Variants in CEP350 observed in about 807,000 individuals in gnomAD.
The protein encoded by CEP350 is centrosome-associated protein 350.
In CEP350, 126 loss-of-function variants were observed where a neutral mutation model predicts 331.8. The observed-to-expected ratio is 0.38, with a 90% confidence interval of 0.33 to 0.44. CEP350 has a LOEUF of 0.44. CEP350 is among the 20% of genes least tolerant of loss of function. The pLI, the probability that CEP350 is intolerant of heterozygous loss-of-function variation, is 1.00. For synonymous variants in CEP350, 1,200 were observed against 1,259.5 expected, an observed-to-expected ratio of 0.95 and a Z score of 1.00; for missense variants, 3,406 against 3,634.6, an observed-to-expected ratio of 0.94 and a Z score of 1.62.
intron 30 of CEP350, among the ~76,000 whole-genome samples, chr1:180,083,254 T>C (rs1159577473): frequency 3.3e-5 from 5 of 152,210 alleles, no homozygotes; most frequent in Non-Finnish European, 7.4e-5. Context: ...GGAACAGTAA[T>C]TTCTATCCTA....
At chr1:179,985,979 C>G (rs1458671410) in intron 1 of CEP350, among the ~76,000 whole-genome samples, 190 bp from the exon 2 acceptor site, 1 of 152,190 alleles carries the variant, frequency 6.6e-6, no homozygotes, top group African/African-American at 2.4e-5. Flanking sequence ...TTCCCACGAA[C>G]AGCACACACG....
chr1:180,108,909 A>G lies in CEP350; in HGVS notation c.9190-2088A>G, dbSNP rs572781344. ...TTAGGGAACAGAGGAATAAATGTTT[A>G]CATATCCTCCAAACAACCTTTCTAA... On this transcript the variant is annotated intron_variant, in intron 37 of 37. Transcript: ENST00000367607. Among the ~76,000 whole-genome samples, 18 of 152,312 alleles carry G rather than the reference A, an allele frequency of 1.2e-4. No individual in the cohort carries two copies. In the South Asian group the frequency reaches 3.7e-3, roughly 32 times the overall value.
intron 1 of CEP350, among the ~76,000 whole-genome samples, chr1:179,967,897 G>A (rs551227966): frequency 6.6e-6 from 1 of 152,098 alleles, no homozygotes; most frequent in Non-Finnish European, 1.5e-5. Context: ...CATGTTATAT[G>A]AAATACCTGG....
At chr1:180,027,213 A>T (rs1655737712) in intron 14 of CEP350, among the ~76,000 whole-genome samples, 1 of 152,198 alleles carries the variant, frequency 6.6e-6, no homozygotes, top group South Asian at 2.1e-4. Context: ...GCACACACAA[A>T]TAGGCAATTT....
chr1:179,990,145 C>T (rs957186802), intron 3 of CEP350, among the ~76,000 whole-genome samples: 2 of 151,456 alleles, frequency 1.3e-5, no homozygotes, highest in Non-Finnish European at 1.5e-5. Context: ...GAGATCACGC[C>T]ACTGCACTCC....
intron 21 of CEP350, 85 bp downstream of exon 21, chr1:180,044,258 C>G: frequency 7.6e-7 from 1 of 1,324,138 alleles, no homozygotes; most frequent in Non-Finnish European, 1.0e-6. Context: ...ATTTCTTAAT[C>G]TTGTTTATTT....
chr1:180,014,195 A>G lies in CEP350; in HGVS notation c.1742A>G (p.Asp581Gly). 6.2e-7 allele frequency: 1 copy of G among 1,610,058 alleles called. No individual in the cohort carries two copies. Among genetic ancestry groups the G allele is most frequent in the Non-Finnish European group, 8.5e-7 (1 of 1,178,194 alleles). Residue 581 changes from aspartate to glycine, a missense_variant, in exon 10 of 38, where the codon GAT (aspartate) becomes GGT (glycine). Asp to Gly is a moderately conservative substitution (Grantham distance 94). Coordinates refer to ENST00000367607, the MANE Select transcript of CEP350 (RefSeq NM_014810.5). ...RKPDKITANEDPPVISKRRHY... is the reference protein window; with the variant it reads ...RKPDKITANEGPPVISKRRHY... ...CCTGACAAAATAACAGCTAATGAAGATCCCCCTGTTATTTCCAAAAGGCGC... is the reference window on the plus strand; with the variant it reads ...CCTGACAAAATAACAGCTAATGAAGGTCCCCCTGTTATTTCCAAAAGGCGC...
intron 1 of CEP350, among the ~76,000 whole-genome samples, chr1:179,959,266 G>T (rs1366182904): frequency 2.6e-5 from 4 of 152,194 alleles, no homozygotes; most frequent in Admixed American, 2.0e-4. Flanking sequence ...AGACCGGCCT[G>T]GCCAACAAGG....
intron 1 of CEP350, chr1:179,968,897 A>C: frequency 1.3e-6 from 1 of 755,156 alleles, no homozygotes; most frequent in Non-Finnish European, 2.4e-6. Context: ...AATACTGGCC[A>C]GAAGGCTGTG....
intron 34 of CEP350, 50 bp downstream of exon 34, chr1:180,094,666 A>G (rs1439266593): frequency 1.4e-5 from 21 of 1,552,342 alleles, no homozygotes; most frequent in Non-Finnish European, 1.7e-5. Context: ...GACACTTTTA[A>G]CAAGGCAACT....
intron 26 of CEP350, 97 bp from the exon 27 acceptor site, chr1:180,065,018 T>G (rs1016257450): frequency 7.9e-7 from 1 of 1,267,924 alleles, no homozygotes. Context: ...GTTATAAACA[T>G]TGTATTGTGG....
Position 180,093,467 on chromosome 1 carries a change from G to A in CEP350, c.7362G>A (p.Arg2454=). The change falls in exon 34 of 38, where the codon AGG becomes AGA. Residue 2454 remains arginine (R), a synonymous_variant. Transcript: ENST00000367607. The part of the protein sequence containing the change: ...LSIHSNVHSD[R]LLELKSPTEL... ...TCCATAGCAATGTTCATTCTGACAG[G>A]CTGTTGGAACTCAAGTCCCCTACTG... The A allele has an allele frequency of 6.2e-7, 1 of 1,608,422 alleles. No individual in the cohort carries two copies. The highest frequency in any genetic ancestry group is 1.3e-5 in the African/African-American group (1 of 74,972).
At chr1:180,004,873 G>GGCTGGCTTGCTTGCTT (rs1265597009) in intron 7 of CEP350, among the ~76,000 whole-genome samples, 8 of 100,614 alleles carry the variant, frequency 8.0e-5, no homozygotes, top group South Asian at 3.9e-4. Flanking sequence ...CAGGCTGGCT[G>GGCTGGCTTGCTTGCTT]GCTTGCTTGC....
At position 180,006,656 on chromosome 1, in the gene CEP350, G is replaced by A. The variant is rs182536598; in HGVS notation, c.1246+89G>A. ...AAGTTTTGGGATACATGTGCAGAAC[G>A]TGCAGGTTTGATACACAGGGTATAC... On this transcript the variant is annotated intron_variant, in intron 8 of 37. Coordinates refer to ENST00000367607, the MANE Select transcript of CEP350 (RefSeq NM_014810.5). The A allele has an allele frequency of 1.8e-4, 130 of 714,336 alleles. No individual in the cohort carries two copies. In the East Asian group the frequency reaches 3.5e-3, roughly 19 times the overall value. 44.2% of individuals were successfully genotyped at this position (714,336 alleles called of 1,614,324 possible).
intron 21 of CEP350, among the ~76,000 whole-genome samples, chr1:180,046,382 T>C (rs1398485769): frequency 6.6e-6 from 1 of 152,218 alleles, no homozygotes; most frequent in Non-Finnish European, 1.5e-5. Flanking sequence ...CATGATGTTT[T>C]CAAGTTTCAT....
intron 25 of CEP350, among the ~76,000 whole-genome samples, chr1:180,060,155 G>A (rs568111980): frequency 3.9e-5 from 6 of 152,298 alleles, no homozygotes; most frequent in African/African-American, 1.4e-4. Flanking sequence ...TGCTAACAAT[G>A]TATTTAGTGT....
chr1:180,020,673 T>TA lies in CEP350; in HGVS notation c.2899_2900insA (p.Ser967TyrfsTer18). On this transcript the variant is annotated frameshift_variant, in exon 12 of 38. Coordinates refer to ENST00000367607, the MANE Select transcript of CEP350 (RefSeq NM_014810.5). LOFTEE classifies it high-confidence loss of function. ...TTCTAGCTCTGATATGCAAGCCTGT[T>TA]CTCAAGACAAAGCCAAAATATCTCT... 1 of 1,613,994 alleles carries TA rather than the reference T, an allele frequency of 6.2e-7. No individual in the cohort carries two copies. The highest frequency in any genetic ancestry group is 8.5e-7 in the Non-Finnish European group (1 of 1,179,890).
In CEP350 at chr1:180,092,617, C is replaced by T; in HGVS notation, c.6512C>T (p.Ala2171Val). The part of the protein sequence containing the change: ...SLESIAEHVD[A>V]SLSGSERSVS... Reference sequence around the variant, plus strand: ...GGTGATTTGTTTTTTCTTTAAGATGCTTCACTGTCTGGTTCTGAGAGATCA... The same window carrying T: ...GGTGATTTGTTTTTTCTTTAAGATGTTTCACTGTCTGGTTCTGAGAGATCA... Residue 2171 changes from alanine (A) to valine (V), a missense_variant, in exon 34 of 38, where the codon GCT becomes GTT. Physicochemically the swap from Ala to Val is moderately conservative, Grantham distance 64. Around this residue, in one of 5 missense-constraint regions of CEP350, gnomAD observed 1,415 missense variants for 1,512.3 expected, o/e 0.94. Transcript: ENST00000367607. 2 of 1,510,558 alleles carry T rather than the reference C, an allele frequency of 1.3e-6. No individual in the cohort carries two copies. Among genetic ancestry groups the T allele is most frequent in the Non-Finnish European group, 1.8e-6 (2 of 1,126,778 alleles). 93.6% of individuals were successfully genotyped at this position (1,510,558 alleles called of 1,614,324 possible). A position where few individuals can be genotyped will look rare whatever the true frequency, so the allele number is the denominator to read the frequency against.
intron 23 of CEP350, 118 bp from the exon 24 acceptor site, chr1:180,053,632 C>T (rs1465070034): frequency 9.0e-6 from 5 of 553,204 alleles, no homozygotes; most frequent in African/African-American, 7.5e-5. Flanking sequence ...TATACTCTTA[C>T]ATTGTTGGTG....
Sources: gnomAD v4.1 joint callset for allele counts (sites outside exome capture counted in the v4.1 genomes callset) on GRCh38, gnomAD v4.1.1 for gene constraint, gnomAD v4.1.1 regional missense constraint, MANE v1.5 for transcripts, NCBI Gene and HGNC (gene_info 2026-07-23, HGNC 2026-07-21) for gene names.